GRK5: variants seen among roughly 807,000 people sequenced by gnomAD.
The protein encoded by GRK5 is G protein-coupled receptor kinase 5, also known as g protein-coupled receptor kinase GRK5.
Under a neutral mutation model 78.4 loss-of-function variants are expected in GRK5, and 40 were observed. That is an observed-to-expected ratio of 0.51 (90% CI 0.40 to 0.66). The LOEUF is 0.66. Among genes scored for constraint, GRK5 ranks in the 30% least tolerant of loss-of-function variants. GRK5 has a pLI of 0.00. For synonymous variants in GRK5, 289 were observed against 296.8 expected (o/e 0.97, Z 0.27); for missense variants, 598 against 759.9 (o/e 0.79, Z 2.50).
At chr10:119,252,799 G>C (rs1849225119) in intron 1 of GRK5, among the ~76,000 whole-genome samples, 1 of 152,134 alleles carries the variant, frequency 6.6e-6, no homozygotes, top group Non-Finnish European at 1.5e-5. Flanking sequence ...CATTTTTATG[G>C]GTCGTAGAGG....
chr10:119,445,011 C>A lies in GRK5; in HGVS notation c.1266+1259C>A, dbSNP rs1003006790. 1.3e-5 allele frequency among the ~76,000 whole-genome samples: 2 copies of A among 152,188 alleles called. No homozygotes were observed. Among genetic ancestry groups the A allele is most frequent in the African/African-American group, 4.8e-5 (2 of 41,446 alleles). ...TGCAGCCAGACACCTCTGCTTGGCC[C>A]CTTCCTGTCACCAACCTCATCCTCA... is the stretch of plus-strand genomic sequence containing the variant. On this transcript the variant is annotated intron_variant, in intron 12 of 15. Coordinates refer to ENST00000392870, the MANE Select transcript of GRK5 (RefSeq NM_005308.3). This position sits in a 1 kb window ranked among gnomAD's most constrained non-coding sequence, Gnocchi z 4.1.
At chr10:119,424,180 G>T (rs572100618) in intron 5 of GRK5, among the ~76,000 whole-genome samples, 13 of 152,254 alleles carry the variant, frequency 8.5e-5, no homozygotes, top group African/African-American at 3.1e-4. Flanking sequence ...GTGGGGTCTT[G>T]GTTGGTGACT....
intron 1 of GRK5, among the ~76,000 whole-genome samples, chr10:119,237,625 A>T (rs113882249): frequency 0.022 from 3,332 of 152,256 alleles, 140 homozygotes; most frequent in African/African-American, 0.076. Flanking sequence ...AAAAGTGATA[A>T]AGAAAGCTAC....
At chr10:119,272,400 A>G (rs1849596862) in intron 1 of GRK5, among the ~76,000 whole-genome samples, 1 of 152,092 alleles carries the variant, frequency 6.6e-6, no homozygotes, top group African/African-American at 2.4e-5. Flanking sequence ...AACATGGTGA[A>G]ACCCTGTCTC....
At chr10:119,257,071 T>G (rs753660388) in intron 1 of GRK5, among the ~76,000 whole-genome samples, 15 of 152,280 alleles carry the variant, frequency 9.9e-5, no homozygotes, top group Non-Finnish European at 2.1e-4. Context: ...GATTCATTAC[T>G]TTTTGTGGCT....
chr10:119,410,063 T>C (rs1295022705), intron 4 of GRK5, among the ~76,000 whole-genome samples: 1 of 152,248 alleles, frequency 6.6e-6, no homozygotes, highest in Non-Finnish European at 1.5e-5. Flanking sequence ...GCGCGGCCTG[T>C]GTAAACAGTG....
intron 1 of GRK5, among the ~76,000 whole-genome samples, chr10:119,302,290 A>G (rs1850196742): frequency 6.6e-6 from 1 of 152,228 alleles, no homozygotes; most frequent in Non-Finnish European, 1.5e-5. Flanking sequence ...CAGGATAAAA[A>G]TGTGACTTTG....
intron 2 of GRK5, among the ~76,000 whole-genome samples, chr10:119,331,702 C>T (rs1473543678): frequency 1.3e-5 from 2 of 152,190 alleles, no homozygotes; most frequent in Admixed American, 6.5e-5. Flanking sequence ...TGGATGGCCC[C>T]GAACGGTGGT....
At chr10:119,261,917 AGAG>A (rs1849413587) in intron 1 of GRK5, among the ~76,000 whole-genome samples, 1 of 111,866 alleles carries the variant, frequency 8.9e-6, no homozygotes, top group African/African-American at 3.3e-5. Flanking sequence ...GACCATGGGG[AGAG>A]GGAGAGGGAG....
At chr10:119,402,416 A>C (rs1345099947) in intron 4 of GRK5, among the ~76,000 whole-genome samples, 1 of 152,202 alleles carries the variant, frequency 6.6e-6, no homozygotes, top group African/African-American at 2.4e-5. Context: ...TCTACAGCCC[A>C]GAAGTGATAC....
chr10:119,260,947 G>A (rs200109086), intron 1 of GRK5, among the ~76,000 whole-genome samples: 3,687 of 151,700 alleles, frequency 0.024, 57 homozygotes, highest in Admixed American at 0.055. Context: ...GGTGGTGGCC[G>A]GGCAGAGGGG....
Position 119,236,905 on chromosome 10 carries a change from A to AAT in GRK5, c.52+28936_52+28937insAT, listed in dbSNP as rs570359179. ...CTTTGGCCTCCCAAAGTGCAGTTAA[A>AAT]TATTGATTGTCTCTTTTGTGGCAAG... On this transcript the variant is annotated intron_variant, in intron 1 of 15. Coordinates refer to ENST00000392870, the MANE Select transcript of GRK5 (RefSeq NM_005308.3). 4.0e-3 allele frequency among the ~76,000 whole-genome samples: 604 copies of AAT among 151,626 alleles called. 2 individuals are homozygous for AAT. Among genetic ancestry groups the AAT allele is most frequent in the Middle Eastern group, 6.8e-3 (2 of 292 alleles).
intron 4 of GRK5, among the ~76,000 whole-genome samples, chr10:119,408,019 C>T (rs892721772): frequency 2.9e-4 from 44 of 151,838 alleles, no homozygotes; most frequent in African/African-American, 9.4e-4. Context: ...CGAAATTAAC[C>T]GGGCGTGGTG....
At chr10:119,310,614 A>G (rs1850342202) in intron 1 of GRK5, among the ~76,000 whole-genome samples, 1 of 152,302 alleles carries the variant, frequency 6.6e-6, no homozygotes, top group Middle Eastern at 3.4e-3. Flanking sequence ...AAGAAGATCA[A>G]TAGTGTTGCA....
chr10:119,429,509 C>T (rs569741969), intron 6 of GRK5, among the ~76,000 whole-genome samples: 25 of 150,714 alleles, frequency 1.7e-4, no homozygotes, highest in African/African-American at 5.6e-4. Context: ...ACCACAAGCC[C>T]TCTGCACCGT....
At chr10:119,260,314 A>T (rs887731200) in intron 1 of GRK5, among the ~76,000 whole-genome samples, 1 of 151,764 alleles carries the variant, frequency 6.6e-6, no homozygotes, top group Admixed American at 6.6e-5. Context: ...TCAGTTTTTT[A>T]AAAAGCCAAT....
Position 119,306,581 on chromosome 10 carries a change from A to T in GRK5, c.53-19935A>T, listed in dbSNP as rs541611153. Among the ~76,000 whole-genome samples, 85 of 152,278 alleles carry T rather than the reference A, an allele frequency of 5.6e-4. 1 individual carries two copies. The Middle Eastern group carries it at 0.01, about 18-fold the overall frequency. On this transcript the variant is annotated intron_variant, in intron 1 of 15. Transcript: ENST00000392870. ...GAAGGAAGCCGGGGTCCTGGCTGAC[A>T]CTTGCGGGGCAGAGCACCTTCTCTT...
intron 2 of GRK5, among the ~76,000 whole-genome samples, chr10:119,350,766 T>G (rs1851174860): frequency 6.6e-6 from 1 of 152,208 alleles, no homozygotes; most frequent in African/African-American, 2.4e-5. Flanking sequence ...GACACGTTTG[T>G]GGAAACAATT....
chr10:119,225,668 CT>C (rs1485892728), intron 1 of GRK5, among the ~76,000 whole-genome samples: 4 of 100,802 alleles, frequency 4.0e-5, no homozygotes, highest in African/African-American at 1.5e-4. Flanking sequence ...TTCTCTCTCT[CT>C]CTTTTTTTTT....
Sources: allele counts gnomAD v4.1 joint callset (sites outside exome capture counted in the v4.1 genomes callset), GRCh38; gene constraint gnomAD v4.1.1; non-coding constraint Gnocchi (gnomAD v3.1); transcripts MANE v1.5; gene names NCBI Gene and HGNC (gene_info 2026-07-23, HGNC 2026-07-21).